The following RIN2 variants were observed in gnomAD, a reference collection of about 807,000 sequenced individuals.
RIN2 encodes the protein Ras and Rab interactor 2.
RIN2 carries 36 observed loss-of-function variants against 78.0 expected under a neutral mutation model. The ratio of observed to expected loss-of-function variants is 0.46; its 90% CI spans 0.35 to 0.61. The LOEUF (loss-of-function observed/expected upper bound fraction) is 0.61. Ranked by LOEUF, RIN2 falls within the 20% of genes least tolerant of loss-of-function variation. The probability of loss-of-function intolerance (pLI) is 0.00; values close to 1 mark genes in which losing one functional copy is unlikely to be tolerated. For synonymous variants in RIN2, 466 were observed against 466.8 expected (o/e 1.00, Z 0.02); for missense variants, 1,087 against 1,159.7 (o/e 0.94, Z 0.91).
intron 8 of RIN2, among the ~76,000 whole-genome samples, 172 bp downstream of exon 8, chr20:19,971,101 GTCTTCCCTT>G (rs2042092386): frequency 6.6e-6 from 1 of 152,138 alleles, no homozygotes; most frequent in Non-Finnish European, 1.5e-5. Context: ...ACGTGTTGAT[GTCTTCCCTT>G]TCTGAGGCAT....
intron 2 of RIN2, among the ~76,000 whole-genome samples, chr20:19,816,013 C>A (rs2035755958): frequency 6.6e-6 from 1 of 152,196 alleles, no homozygotes; most frequent in Non-Finnish European, 1.5e-5. Flanking sequence ...ACACTTCTGC[C>A]TTCAAGAAAC....
chr20:19,820,143 A>T (rs1359177756), intron 2 of RIN2, among the ~76,000 whole-genome samples: 1 of 152,254 alleles, frequency 6.6e-6, no homozygotes, highest in Non-Finnish European at 1.5e-5. Flanking sequence ...CCATTTTCAC[A>T]TCAACATTGG....
At chr20:19,760,830 C>G (rs2033611172) in intron 1 of RIN2, among the ~76,000 whole-genome samples, 1 of 152,176 alleles carries the variant, frequency 6.6e-6, no homozygotes, top group Non-Finnish European at 1.5e-5. Flanking sequence ...TTTCCCCGAC[C>G]CTGTCCTCCT....
rs2043128672 is a variant in RIN2, at chr20:20,001,021, G to T, written c.*85G>T. 6.2e-5 allele frequency: 82 copies of T among 1,315,546 alleles called. No homozygotes were observed. The highest frequency in any genetic ancestry group is 8.2e-5 in the Non-Finnish European group (79 of 961,538). 81.5% of individuals were successfully genotyped at this position (1,315,546 alleles called of 1,614,324 possible). On this transcript the variant is annotated 3_prime_UTR_variant, in exon 13 of 13. Transcript: ENST00000255006. Reference sequence around the variant, plus strand: ...GCTTCTACATGCTTGAGCTTGAAAAGCAGTCACCTCCTCGGGGACCCCTCA... The same window carrying T: ...GCTTCTACATGCTTGAGCTTGAAAATCAGTCACCTCCTCGGGGACCCCTCA...
At chr20:19,950,170 A>C (rs2041256437) in intron 4 of RIN2, among the ~76,000 whole-genome samples, 1 of 152,164 alleles carries the variant, frequency 6.6e-6, no homozygotes, top group Non-Finnish European at 1.5e-5. Context: ...GTTTGGTTGT[A>C]ATTGGAATGG....
intron 3 of RIN2, among the ~76,000 whole-genome samples, chr20:19,923,865 G>C (rs2040034081): frequency 6.6e-6 from 1 of 151,952 alleles, no homozygotes. Flanking sequence ...TTTTGACTAA[G>C]GTGGTGTCTT....
chr20:19,786,603 G>A (rs1350607008), intron 1 of RIN2, among the ~76,000 whole-genome samples: 2 of 152,130 alleles, frequency 1.3e-5, no homozygotes, highest in Non-Finnish European at 1.5e-5. Context: ...AGAAACCATG[G>A]CAATAATAAA....
At chr20:19,867,080 T>C (rs760393359) in intron 2 of RIN2, among the ~76,000 whole-genome samples, 5 of 152,202 alleles carry the variant, frequency 3.3e-5, no homozygotes, top group Non-Finnish European at 5.9e-5. Flanking sequence ...AGTTTGCAAG[T>C]ATAGTACAGA....
chr20:19,960,857 G>T lies in RIN2; in HGVS notation c.463+46G>T, dbSNP rs369232904. On this transcript the variant is annotated intron_variant, in intron 6 of 12. Coordinates refer to ENST00000255006, the MANE Select transcript of RIN2 (RefSeq NM_018993.4). ...CAGGTCCTGACTGACAGGGCCACGG[G>T]GCTCTGCAGGGAGTGGAAATGGAAG... The T allele has an allele frequency of 3.5e-5, 42 of 1,193,606 alleles. No individual in the cohort carries two copies. In the African/African-American group the frequency reaches 6.1e-4, roughly 17 times the overall value. The allele number at this position is 1,193,606 out of a possible 1,614,324, so 73.9% of individuals were successfully genotyped here.
At chr20:19,925,679 T>TGAA (rs2040196180) in intron 3 of RIN2, among the ~76,000 whole-genome samples, 2 of 152,160 alleles carry the variant, frequency 1.3e-5, no homozygotes, top group African/African-American at 2.4e-5. Context: ...GCAAAGCAAA[T>TGAA]GAAAACAAAA....
intron 1 of RIN2, among the ~76,000 whole-genome samples, chr20:19,785,517 A>C (rs995419480): frequency 3.3e-5 from 5 of 152,182 alleles, no homozygotes; most frequent in African/African-American, 9.6e-5. Context: ...ACATCCTTTC[A>C]GTGGACAGTA....
At chr20:19,967,545 C>T (rs548143577) in intron 7 of RIN2, among the ~76,000 whole-genome samples, 10 of 152,312 alleles carry the variant, frequency 6.6e-5, no homozygotes, top group Non-Finnish European at 8.8e-5. Flanking sequence ...AGAGAATTCA[C>T]GAATCAATAA....
intron 1 of RIN2, among the ~76,000 whole-genome samples, chr20:19,786,424 A>T (rs1029838031): frequency 6.6e-6 from 1 of 152,136 alleles, no homozygotes; most frequent in Non-Finnish European, 1.5e-5. Context: ...TACATGAAGA[A>T]AGAGAGAGAT....
intron 2 of RIN2, among the ~76,000 whole-genome samples, chr20:19,876,904 A>AAC (rs1170604730): frequency 6.6e-6 from 1 of 151,128 alleles, no homozygotes; most frequent in African/African-American, 2.4e-5. Flanking sequence ...TCCATCTCAA[A>AAC]AAAAAAAAAC....
intron 8 of RIN2, among the ~76,000 whole-genome samples, chr20:19,971,735 A>ATTTTTTTTTTTTTTT (rs61019165): frequency 1.7e-4 from 16 of 91,532 alleles, no homozygotes; most frequent in African/African-American, 3.5e-4. Flanking sequence ...TGAAACTGCA[A>ATTTTTTTTTTTTTTT]TTTTTTTTTT....
intron 1 of RIN2, among the ~76,000 whole-genome samples, chr20:19,772,372 T>C (rs1020698756): frequency 6.6e-6 from 1 of 152,212 alleles, no homozygotes; most frequent in Non-Finnish European, 1.5e-5. Context: ...CCTGAACTGA[T>C]TTTGTCAAGG....
intron 2 of RIN2, among the ~76,000 whole-genome samples, chr20:19,815,594 G>T (rs769477809): frequency 2.0e-5 from 3 of 152,164 alleles, no homozygotes; most frequent in Non-Finnish European, 4.4e-5. Flanking sequence ...GACATGCTCG[G>T]TGTGGTATTT....
intron 2 of RIN2, among the ~76,000 whole-genome samples, chr20:19,866,173 T>A (rs1420730142): frequency 6.6e-6 from 1 of 151,608 alleles, no homozygotes; most frequent in Non-Finnish European, 1.5e-5. Flanking sequence ...GAGCACAGAG[T>A]GTAGATCCCT....
intron 4 of RIN2, among the ~76,000 whole-genome samples, chr20:19,946,544 C>A (rs539595510): frequency 1.4e-5 from 2 of 147,948 alleles, no homozygotes; most frequent in African/African-American, 5.0e-5. Flanking sequence ...ATGGCGAAAC[C>A]CCGTCTCTAC....
Sources: allele counts gnomAD v4.1 joint callset (sites outside exome capture counted in the v4.1 genomes callset), GRCh38; gene constraint gnomAD v4.1.1; transcripts MANE v1.5; gene names NCBI Gene and HGNC (gene_info 2026-07-23, HGNC 2026-07-21).